Variants in RAB37 observed in about 807,000 individuals in gnomAD.
RAB37 encodes the protein ras-related protein Rab-37.
A neutral mutation model predicts 33.1 loss-of-function variants in RAB37; 29 were observed. The observed-to-expected ratio is 0.88, with a 90% CI of 0.65 to 1.20. RAB37 has a LOEUF of 1.20. Among genes scored for constraint, RAB37 ranks in the 50% most tolerant of loss-of-function variants. The probability of loss-of-function intolerance (pLI) is 0.00; values close to 1 mark genes in which losing one functional copy is unlikely to be tolerated. For missense variants in RAB37, 299 were observed against 301.1 expected (o/e 0.99, Z 0.05); for synonymous variants, 128 against 119.5 (o/e 1.07, Z -0.47).
At chr17:74,739,728 A>C (rs935430080) in intron 1 of RAB37, among the ~76,000 whole-genome samples, 1 of 151,240 alleles carries the variant, frequency 6.6e-6, no homozygotes, top group Admixed American at 6.6e-5. Flanking sequence ...ATGGGGTTTC[A>C]CCTTGTTGGT....
At chr17:74,693,185 G>T (rs938103105) in intron 1 of RAB37, among the ~76,000 whole-genome samples, 1 of 152,224 alleles carries the variant, frequency 6.6e-6, no homozygotes, top group Admixed American at 6.5e-5. Context: ...ATGATAAAAA[G>T]GAGCTAACTA....
intron 1 of RAB37, chr17:74,696,183 G>A (rs767702860): frequency 6.2e-7 from 1 of 1,602,220 alleles, no homozygotes; most frequent in Non-Finnish European, 8.5e-7. Flanking sequence ...CCGACCTTGG[G>A]GGCTATCTTA....
chr17:74,704,491 C>T, intron 1 of RAB37: 1 of 1,612,262 alleles, frequency 6.2e-7, no homozygotes, highest in East Asian at 2.2e-5. Context: ...GGTCAATGGT[C>T]ACTTGAACTG....
intron 1 of RAB37, among the ~76,000 whole-genome samples, chr17:74,708,289 G>A (rs896448337): frequency 3.3e-5 from 5 of 151,854 alleles, no homozygotes; most frequent in South Asian, 4.2e-4. Flanking sequence ...TAAAACTTCC[G>A]CCAGAATAAA....
intron 1 of RAB37, chr17:74,703,066 G>A (rs866464842): frequency 6.2e-7 from 1 of 1,614,016 alleles, no homozygotes; most frequent in Non-Finnish European, 8.5e-7. Flanking sequence ...GTCAGAGTTG[G>A]GGAGCTGCTA....
intron 1 of RAB37, among the ~76,000 whole-genome samples, chr17:74,718,009 C>A (rs2034188661): frequency 6.6e-6 from 1 of 151,898 alleles, no homozygotes; most frequent in Non-Finnish European, 1.5e-5. Flanking sequence ...ATAAACCACA[C>A]AATCAGCAGG....
Position 74,730,347 on chromosome 17 carries a change from G to T in RAB37, c.183+981G>T, listed in dbSNP as rs1385141207. Among the ~76,000 whole-genome samples the T allele has an allele frequency of 6.6e-6, 1 of 152,214 alleles. No individual in the cohort carries two copies. The highest frequency in any genetic ancestry group is 6.5e-5 in the Admixed American group (1 of 15,288). ...CGCAGCAGTGCCACACTGATGGGAA[G>T]AGAGAGAGGAAAACTCAGAAAAATG... On this transcript the variant is annotated intron_variant, in intron 2 of 7. Transcript: ENST00000340415. This position sits in a 1 kb window ranked among gnomAD's most constrained non-coding sequence, Gnocchi z 4.4.
intron 1 of RAB37, among the ~76,000 whole-genome samples, chr17:74,722,521 G>A (rs8073363): frequency 0.15 from 23,303 of 152,128 alleles, 2,141 homozygotes; most frequent in East Asian, 0.34. Flanking sequence ...CTTAAAGTCA[G>A]CTGCTTGGAG....
At chr17:74,740,629 T>C in intron 1 of RAB37, 139 bp from the exon 2 acceptor site, 1 of 694,428 alleles carries the variant, frequency 1.4e-6, no homozygotes, top group Non-Finnish European at 2.6e-6. Context: ...GCGGCTGGCT[T>C]TCTGGAAGCA....
At position 74,704,524 on chromosome 17, in the gene RAB37, T is replaced by G. The variant is rs753954023; in HGVS notation, c.73-24732T>G. ...CTGTGACCCCAAGGTCATTTCCAGTTTTCTCAATTCCACACCAGTAAGTGT... is the reference window on the plus strand; with the variant it reads ...CTGTGACCCCAAGGTCATTTCCAGTGTTCTCAATTCCACACCAGTAAGTGT... On this transcript the variant is annotated intron_variant, in intron 1 of 7. Coordinates refer to the RAB37 transcript ENST00000340415. 36 of 1,614,150 alleles carry G rather than the reference T, an allele frequency of 2.2e-5. No homozygotes were observed. In the Middle Eastern group the frequency reaches 8.2e-4, roughly 37 times the overall value.
chr17:74,705,177 A>G (rs1024300459), intron 1 of RAB37: 14 of 695,424 alleles, frequency 2.0e-5, no homozygotes, highest in Non-Finnish European at 3.4e-5. Context: ...AGGAAATACC[A>G]GGAGACCCCT....
At chr17:74,704,510 A>G (rs760673748) in intron 1 of RAB37, 3 of 1,613,964 alleles carry the variant, frequency 1.9e-6, no homozygotes, top group South Asian at 2.2e-5. Flanking sequence ...TGTGACCCCA[A>G]GGTCATTTCC....
intron 1 of RAB37, among the ~76,000 whole-genome samples, chr17:74,673,609 A>G (rs574112707): frequency 6.6e-6 from 1 of 152,084 alleles, no homozygotes; most frequent in East Asian, 1.9e-4. Flanking sequence ...TTCCATTTCA[A>G]TTACCCACAC....
chr17:74,703,077 G>A, intron 1 of RAB37: 1 of 1,614,074 alleles, frequency 6.2e-7, no homozygotes, highest in Admixed American at 1.7e-5. Context: ...GGAGCTGCTA[G>A]TTTCTTCTTG....
At chr17:74,692,255 C>T (rs2032172171) in intron 1 of RAB37, among the ~76,000 whole-genome samples, 1 of 152,044 alleles carries the variant, frequency 6.6e-6, no homozygotes, top group African/African-American at 2.4e-5. Context: ...GTGGGCGCTT[C>T]TTGCTCTGTA....
upstream of RAB37, among the ~76,000 whole-genome samples, chr17:74,736,114 G>T (rs1362117963): frequency 6.6e-6 from 1 of 152,126 alleles, no homozygotes. Flanking sequence ...CCGGGAGACT[G>T]AGGCGGGAGT....
At chr17:74,696,291 G>A (rs1269919646) in intron 1 of RAB37, 6 of 1,473,190 alleles carry the variant, frequency 4.1e-6, no homozygotes, top group Non-Finnish European at 5.5e-6. Context: ...GTCTAGGGAA[G>A]AGAAATATGG....
chr17:74,689,635 T>C (rs1032353545), intron 1 of RAB37, among the ~76,000 whole-genome samples: 1 of 152,184 alleles, frequency 6.6e-6, no homozygotes, highest in Non-Finnish European at 1.5e-5. Flanking sequence ...AAAATGTGCC[T>C]ACTTGGTAGA....
At chr17:74,681,018 T>C (rs9894520) in intron 1 of RAB37, among the ~76,000 whole-genome samples, 88,559 of 152,120 alleles carry the variant, frequency 0.58, 31,052 homozygotes, top group Middle Eastern at 0.79. Flanking sequence ...ATTCAGCAAA[T>C]ATTTACTGCG....
Sources: allele counts gnomAD v4.1 joint callset (sites outside exome capture counted in the v4.1 genomes callset), GRCh38; gene constraint gnomAD v4.1.1; non-coding constraint Gnocchi (gnomAD v3.1); transcripts MANE v1.5; gene names NCBI Gene and HGNC (gene_info 2026-07-23, HGNC 2026-07-21).